The following PPP1R12A variants were observed in gnomAD, a reference collection of about 807,000 sequenced individuals.
The protein encoded by PPP1R12A is myosin binding subunit.
PPP1R12A carries 19 observed loss-of-function variants against 139.6 expected under a neutral mutation model. That is an observed-to-expected ratio of 0.14 (90% CI 0.09 to 0.20). The LOEUF (loss-of-function observed/expected upper bound fraction) is 0.20. PPP1R12A is among the 10% of genes least tolerant of loss of function. The probability of loss-of-function intolerance (pLI) is 1.00; values close to 1 mark genes in which losing one functional copy is unlikely to be tolerated. For missense variants in PPP1R12A, 925 were observed against 1,211.5 expected, an observed-to-expected ratio of 0.76 and a Z score of 3.51; for synonymous variants, 427 against 420.6, an observed-to-expected ratio of 1.02 and a Z score of -0.19.
At chr12:79,875,289 T>G (rs7969601) in intron 1 of PPP1R12A, among the ~76,000 whole-genome samples, 7,047 of 152,250 alleles carry the variant, frequency 0.046, 228 homozygotes, top group Non-Finnish European at 0.062. Flanking sequence ...GCAATCCCCA[T>G]GTATTACCAG....
intron 5 of PPP1R12A, 31 bp downstream of exon 5, chr12:79,828,289 T>G: frequency 6.4e-7 from 1 of 1,567,212 alleles, no homozygotes; most frequent in Non-Finnish European, 8.7e-7. Context: ...TTCTAAAAGT[T>G]AAAGTATTAA....
intron 3 of PPP1R12A, among the ~76,000 whole-genome samples, chr12:79,835,929 C>G (rs931599244): frequency 2.6e-5 from 4 of 152,114 alleles, no homozygotes; most frequent in African/African-American, 9.7e-5. Context: ...ACCATTTTTT[C>G]CAAGACAACT....
intron 2 of PPP1R12A, among the ~76,000 whole-genome samples, chr12:79,854,655 T>C (rs1016524138): frequency 6.6e-6 from 1 of 152,172 alleles, no homozygotes; most frequent in Non-Finnish European, 1.5e-5. Flanking sequence ...TCTTCATCTA[T>C]AATTTTTATT....
At chr12:79,917,321 C>T (rs1720109088) in intron 1 of PPP1R12A, among the ~76,000 whole-genome samples, 3 of 151,862 alleles carry the variant, frequency 2.0e-5, no homozygotes, top group Admixed American at 1.3e-4. Flanking sequence ...CCCATCTCTA[C>T]TAAAAATAGA....
chr12:79,900,715 T>G (rs1048659757), intron 1 of PPP1R12A, among the ~76,000 whole-genome samples: 1 of 152,116 alleles, frequency 6.6e-6, no homozygotes, highest in African/African-American at 2.4e-5. Context: ...ACAACGAATT[T>G]TAAGAGGAGA....
chr12:79,792,982 C>T (rs1385909641), intron 19 of PPP1R12A, among the ~76,000 whole-genome samples: 4 of 152,060 alleles, frequency 2.6e-5, no homozygotes, highest in African/African-American at 4.8e-5. Flanking sequence ...TAATGTTCAC[C>T]GTCACCTAGC....
chr12:79,837,262 T>C (rs959708953), intron 3 of PPP1R12A, among the ~76,000 whole-genome samples: 15 of 152,064 alleles, frequency 9.9e-5, no homozygotes, highest in African/African-American at 3.1e-4. Flanking sequence ...GCAGTAAATA[T>C]TAAAATATAA....
At chr12:79,903,389 T>A (rs1433718331) in intron 1 of PPP1R12A, among the ~76,000 whole-genome samples, 1 of 151,028 alleles carries the variant, frequency 6.6e-6, no homozygotes, top group Non-Finnish European at 1.5e-5. Context: ...AAGTAGATGT[T>A]GCAGTGAGCT....
At chr12:79,934,239 A>G (rs1468176326) in intron 1 of PPP1R12A, among the ~76,000 whole-genome samples, 1 of 152,142 alleles carries the variant, frequency 6.6e-6, no homozygotes, top group African/African-American at 2.4e-5. Context: ...CAACAAATCC[A>G]ATGCCCACCT....
intron 1 of PPP1R12A, among the ~76,000 whole-genome samples, chr12:79,878,083 C>G (rs1231284776): frequency 6.6e-6 from 1 of 151,314 alleles, no homozygotes; most frequent in Admixed American, 6.6e-5. Context: ...GCCTACAACA[C>G]TACAAAACTA....
chr12:79,778,511 A>G, intron 24 of PPP1R12A, 39 bp downstream of exon 24: 2 of 1,352,632 alleles, frequency 1.5e-6, no homozygotes, highest in Non-Finnish European at 2.0e-6. Context: ...ATTAATACAT[A>G]AACAGCACTC....
At chr12:79,783,213 T>A (rs1273939799) in intron 22 of PPP1R12A, among the ~76,000 whole-genome samples, 1 of 151,580 alleles carries the variant, frequency 6.6e-6, no homozygotes, top group African/African-American at 2.4e-5. Flanking sequence ...ATTCTAACAC[T>A]TTGTGAGGCT....
At chr12:79,916,232 G>A (rs190224424) in intron 1 of PPP1R12A, among the ~76,000 whole-genome samples, 19 of 152,148 alleles carry the variant, frequency 1.2e-4, no homozygotes, top group Non-Finnish European at 2.5e-4. Context: ...CATTCCATCA[G>A]TTGCCTTCCA....
chr12:79,833,344 G>GA (rs1442640843), intron 3 of PPP1R12A, among the ~76,000 whole-genome samples: 22 of 151,684 alleles, frequency 1.5e-4, no homozygotes, highest in Admixed American at 6.6e-5. Flanking sequence ...CAACACCTTG[G>GA]AAAAAAAATT....
At chr12:79,795,207 T>C (rs1250736515) in intron 18 of PPP1R12A, among the ~76,000 whole-genome samples, 1 of 152,162 alleles carries the variant, frequency 6.6e-6, no homozygotes, top group Non-Finnish European at 1.5e-5. Context: ...TTTACAAGAC[T>C]GTTGTAATTT....
chr12:79,814,815 CAAAA>C (rs149384466), intron 9 of PPP1R12A, among the ~76,000 whole-genome samples: 2 of 69,736 alleles, frequency 2.9e-5, no homozygotes, highest in African/African-American at 6.7e-5. Context: ...AACTCTGTCT[CAAAA>C]AAAAAAAAAA....
intron 8 of PPP1R12A, among the ~76,000 whole-genome samples, chr12:79,818,527 T>A (rs558357227): frequency 6.6e-6 from 1 of 152,226 alleles, no homozygotes; most frequent in South Asian, 2.1e-4. Context: ...ACTAGCATGA[T>A]CCACAGCACC....
chr12:79,934,932 C>G lies in PPP1R12A; in HGVS notation c.-1G>C. The G allele has an allele frequency of 1.3e-6, 2 of 1,587,878 alleles. No individual in the cohort carries two copies. The highest frequency in any genetic ancestry group is 2.3e-5 in the South Asian group (2 of 87,284). On this transcript the variant is annotated 5_prime_UTR_variant, in exon 1 of 25. Coordinates refer to ENST00000450142, the MANE Select transcript of PPP1R12A (RefSeq NM_002480.3). Reference sequence around the variant, plus strand: ...TCTGCTTCGCGTCCGCCATCTTCATCCCCTCTCCTGCCGCCGGGTCTTCTT... The same window carrying G: ...TCTGCTTCGCGTCCGCCATCTTCATGCCCTCTCCTGCCGCCGGGTCTTCTT...
At chr12:79,801,345 CAAAAAAAAAAAAAAAAAAAAAA>C (rs201977462) in intron 14 of PPP1R12A, among the ~76,000 whole-genome samples, 31 of 20,186 alleles carry the variant, frequency 1.5e-3, no homozygotes, top group Middle Eastern at 0.045. Context: ...AACTCTGTCT[CAAAAAAAAAAAAAAAAAAAAAA>C]AAAAAAAAAA....
Sources: gnomAD v4.1 joint callset for allele counts (sites outside exome capture counted in the v4.1 genomes callset) on GRCh38, gnomAD v4.1.1 for gene constraint, MANE v1.5 for transcripts, NCBI Gene and HGNC (gene_info 2026-07-23, HGNC 2026-07-21) for gene names.